The following HIVEP1 variants were observed in gnomAD, a reference collection of about 807,000 sequenced individuals.
HIVEP1 encodes the protein HIVEP zinc finger 1, also known as zinc finger protein 40.
In HIVEP1, 36 loss-of-function variants were observed where a neutral mutation model predicts 180.0. The observed-to-expected ratio is 0.20, with a 90% CI of 0.15 to 0.26. HIVEP1 has a LOEUF of 0.26. Among genes scored for constraint, HIVEP1 ranks in the 10% least tolerant of loss-of-function variants. The pLI, the probability that HIVEP1 is intolerant of heterozygous loss-of-function variation, is 1.00. For missense variants in HIVEP1, 3,143 were observed against 3,268.7 expected (o/e 0.96, Z 0.94); for synonymous variants, 1,239 against 1,239.0 (o/e 1.00, Z 0.00).
chr6:12,120,035 A>G lies in HIVEP1; in HGVS notation c.240A>G (p.Glu80=). The G allele has an allele frequency of 1.9e-6, 3 of 1,613,292 alleles. No homozygotes were observed. The highest frequency in any genetic ancestry group is 2.5e-6 in the Non-Finnish European group (3 of 1,179,802). The part of the protein sequence containing the change: ...PLQAKHKQNT[E]ESSFAVLHSA... ...AGGCAAAACATAAACAAAATACAGAAGAGTCATCTTTCGCCGTTCTTCATA... is the reference window on the plus strand; with the variant it reads ...AGGCAAAACATAAACAAAATACAGAGGAGTCATCTTTCGCCGTTCTTCATA... Residue 80 remains glutamate, a synonymous_variant, in exon 4 of 9, where the codon GAA becomes GAG. Transcript: ENST00000379388.
intron 2 of HIVEP1, chr6:12,020,410 A>G (rs1048232586): frequency 4.2e-6 from 2 of 470,924 alleles, no homozygotes; most frequent in South Asian, 3.1e-5. Context: ...GCTCTTCCGC[A>G]TGGTCTTGGT....
intron 2 of HIVEP1, among the ~76,000 whole-genome samples, chr6:12,056,157 C>G (rs1770854634): frequency 6.6e-6 from 1 of 151,954 alleles, no homozygotes; most frequent in South Asian, 2.1e-4. Flanking sequence ...AGTGAAGAGT[C>G]TGGAGCAGAA....
chr6:12,212,028 G>A, the HIVEP1 span, among the ~76,000 whole-genome samples: 83,714 of 152,062 alleles, frequency 0.55, 24,031 homozygotes, highest in African/African-American at 0.72. Context: ...GACATGCCCC[G>A]TCCGGAGGGC....
At chr6:12,024,704 G>A (rs971343374) in intron 2 of HIVEP1, among the ~76,000 whole-genome samples, 7 of 152,236 alleles carry the variant, frequency 4.6e-5, no homozygotes, top group African/African-American at 1.7e-4. Flanking sequence ...TATACAATTA[G>A]GGTGGTATTT....
At chr6:12,207,466 A>G in the HIVEP1 span, among the ~76,000 whole-genome samples, 1,599 of 152,266 alleles carry the variant, frequency 0.011, 38 homozygotes, top group African/African-American at 0.037. Context: ...TAATAGAAAA[A>G]AAGGACCTAT....
chr6:12,066,676 A>T (rs1041066020), intron 2 of HIVEP1, among the ~76,000 whole-genome samples: 39 of 152,190 alleles, frequency 2.6e-4, no homozygotes, highest in Non-Finnish European at 1.5e-5. Flanking sequence ...GAAGATTTAG[A>T]TGGGGAATTT....
intron 2 of HIVEP1, among the ~76,000 whole-genome samples, chr6:12,055,250 G>A (rs1581591839): frequency 6.6e-6 from 1 of 152,176 alleles, no homozygotes; most frequent in Admixed American, 6.5e-5. Flanking sequence ...CAAGGCGGAC[G>A]AATCACGAGG....
At chr6:12,161,989 G>T in intron 8 of HIVEP1, 60 bp downstream of exon 8, 1 of 1,423,644 alleles carries the variant, frequency 7.0e-7, no homozygotes, top group East Asian at 2.3e-5. Flanking sequence ...TAAATATGGA[G>T]AACTTAATGG....
chr6:12,172,236 C>T, the HIVEP1 span, among the ~76,000 whole-genome samples: 3 of 152,182 alleles, frequency 2.0e-5, no homozygotes, highest in Admixed American at 1.3e-4. Flanking sequence ...CTGTCTCATT[C>T]CATCATGCCT....
chr6:12,172,663 T>G, the HIVEP1 span, among the ~76,000 whole-genome samples: 1 of 152,236 alleles, frequency 6.6e-6, no homozygotes, highest in Non-Finnish European at 1.5e-5. Flanking sequence ...TATAGTGCAG[T>G]ATTTTTAATT....
At chr6:12,203,359 C>G in the HIVEP1 span, among the ~76,000 whole-genome samples, 1 of 152,246 alleles carries the variant, frequency 6.6e-6, no homozygotes, top group African/African-American at 2.4e-5. Flanking sequence ...CCCATTAACA[C>G]TGGCTCTGGT....
chr6:12,039,589 A>T (rs552409402), intron 2 of HIVEP1, among the ~76,000 whole-genome samples: 170 of 152,292 alleles, frequency 1.1e-3, no homozygotes, highest in African/African-American at 3.9e-3. Context: ...TTAGAAGGTC[A>T]TAGCGTTGGT....
intron 2 of HIVEP1, among the ~76,000 whole-genome samples, chr6:12,076,511 A>G (rs1324979541): frequency 1.3e-5 from 2 of 152,228 alleles, no homozygotes; most frequent in African/African-American, 4.8e-5. Flanking sequence ...TCCAAGATCA[A>G]GGTGGCAGCA....
At chr6:12,167,515 A>T (rs1273974155), downstream of HIVEP1, among the ~76,000 whole-genome samples, 1 of 146,476 alleles carries the variant, frequency 6.8e-6, no homozygotes, top group Admixed American at 6.8e-5. Flanking sequence ...TATTCAAAAT[A>T]TGTATTTTGT....
At chr6:12,057,498 T>C (rs1475817489) in intron 2 of HIVEP1, among the ~76,000 whole-genome samples, 1 of 152,214 alleles carries the variant, frequency 6.6e-6, no homozygotes, top group Non-Finnish European at 1.5e-5. Flanking sequence ...ATGATCTTGA[T>C]ATTAATCTGC....
At chr6:12,071,578 C>T (rs1458082675) in intron 2 of HIVEP1, among the ~76,000 whole-genome samples, 1 of 152,170 alleles carries the variant, frequency 6.6e-6, no homozygotes, top group Non-Finnish European at 1.5e-5. Context: ...TTTTAAGAAG[C>T]ACTTTAAACA....
intron 2 of HIVEP1, among the ~76,000 whole-genome samples, chr6:12,030,238 A>G (rs1768851497): frequency 6.6e-6 from 1 of 151,982 alleles, no homozygotes; most frequent in East Asian, 1.9e-4. Flanking sequence ...TCTTTCTCCA[A>G]TTTGAATGTG....
At chr6:12,050,717 C>T (rs929402725) in intron 2 of HIVEP1, among the ~76,000 whole-genome samples, 1 of 152,140 alleles carries the variant, frequency 6.6e-6, no homozygotes, top group Non-Finnish European at 1.5e-5. Flanking sequence ...CAGGCCCCTC[C>T]AGACAGTCTC....
intron 7 of HIVEP1, among the ~76,000 whole-genome samples, chr6:12,152,762 T>C (rs956626894): frequency 1.3e-5 from 2 of 152,040 alleles, no homozygotes; most frequent in Admixed American, 6.6e-5. Flanking sequence ...CCCTCCTACA[T>C]CCTCTCCAAG....
Sources: allele counts gnomAD v4.1 joint callset (sites outside exome capture counted in the v4.1 genomes callset), GRCh38; gene constraint gnomAD v4.1.1; transcripts MANE v1.5; gene names NCBI Gene and HGNC (gene_info 2026-07-23, HGNC 2026-07-21).